Variants in MXD1 observed in about 807,000 individuals in gnomAD.
MXD1 encodes MAX dimerization protein 1, also known as MAX-binding protein.
A neutral mutation model predicts 25.7 loss-of-function variants in MXD1; 9 were observed. That is an observed-to-expected ratio of 0.35 (90% CI 0.21 to 0.61). MXD1 has a LOEUF of 0.61. Ranked by LOEUF, MXD1 falls within the 20% of genes least tolerant of loss-of-function variation. The pLI is 0.75. For missense variants in MXD1, 227 were observed against 292.4 expected (o/e 0.78, Z 1.63); for synonymous variants, 99 against 113.9 (o/e 0.87, Z 0.83).
At chr2:69,916,854 C>T (rs182066257) in intron 2 of MXD1, among the ~76,000 whole-genome samples, 45 of 152,196 alleles carry the variant, frequency 3.0e-4, no homozygotes, top group Middle Eastern at 6.8e-3. Context: ...TATCTTATAC[C>T]GTAGTTCTTA....
intron 3 of MXD1, among the ~76,000 whole-genome samples, chr2:69,926,316 C>A (rs1677169405): frequency 6.6e-6 from 1 of 151,668 alleles, no homozygotes; most frequent in Non-Finnish European, 1.5e-5. Flanking sequence ...CTTCCTGTGC[C>A]AATATATACC....
intron 3 of MXD1, among the ~76,000 whole-genome samples, chr2:69,933,205 AAAAAAAAAAAAAAAAAAAAC>A (rs1237922428): frequency 2.1e-5 from 1 of 46,714 alleles, no homozygotes; most frequent in African/African-American, 2.2e-4. Context: ...TGTCTCAAAA[AAAAAAAAAAAAAAAAAAAAC>A]AAAAAAAGAA....
chr2:69,932,997 G>A (rs569741672), intron 3 of MXD1, among the ~76,000 whole-genome samples: 7 of 151,914 alleles, frequency 4.6e-5, no homozygotes, highest in Non-Finnish European at 8.8e-5. Context: ...TCAGGAGTTC[G>A]AGACCAGCCT....
chr2:69,937,805 G>C (rs1677490550), intron 5 of MXD1, among the ~76,000 whole-genome samples: 1 of 152,138 alleles, frequency 6.6e-6, no homozygotes, highest in Admixed American at 6.5e-5. Flanking sequence ...GTAGAGATGA[G>C]GTTTCACCAT....
intron 4 of MXD1, among the ~76,000 whole-genome samples, chr2:69,935,813 T>G (rs910520770): frequency 1.3e-5 from 2 of 152,194 alleles, no homozygotes; most frequent in African/African-American, 2.4e-5. Flanking sequence ...TGCAATAAAA[T>G]CCTCAGAGGT....
intron 4 of MXD1, 78 bp from the exon 5 acceptor site, chr2:69,937,157 T>C: frequency 6.4e-7 from 1 of 1,573,554 alleles, no homozygotes; most frequent in Non-Finnish European, 8.7e-7. Flanking sequence ...ATTCCACTGC[T>C]AGAAGGGAAG....
chr2:69,923,711 G>C (rs1677116695), intron 3 of MXD1, among the ~76,000 whole-genome samples: 1 of 152,078 alleles, frequency 6.6e-6, no homozygotes, highest in South Asian at 2.1e-4. Context: ...CTTCCTTTAT[G>C]CTTTAGCTAT....
intron 3 of MXD1, among the ~76,000 whole-genome samples, chr2:69,930,751 TATC>T (rs1160210001): frequency 6.6e-6 from 1 of 152,242 alleles, no homozygotes; most frequent in African/African-American, 2.4e-5. Flanking sequence ...GTGCTCTTAT[TATC>T]TGTGTTTGCT....
intron 3 of MXD1, among the ~76,000 whole-genome samples, chr2:69,935,069 T>C (rs1338769473): frequency 6.6e-6 from 1 of 152,220 alleles, no homozygotes; most frequent in South Asian, 2.1e-4. Flanking sequence ...TTACTGTATA[T>C]AGTATTTACA....
In MXD1 at chr2:69,938,262, A is replaced by C; in HGVS notation, c.644A>C (p.His215Pro). ...AAGAGAATAAAGCTGCAGGACAGTC[A>C]CAAGGCGTGTCTTGGTCTCTAAGAG... ...SIKRIKLQDS[H>P]KACLGL is the part of the protein sequence containing the mutation. The change falls in exon 6 of 6, where the codon CAC (histidine) becomes CCC (proline). Residue 215 changes from histidine to proline, a missense_variant. Physicochemically the swap from His to Pro is moderately conservative, Grantham distance 77. Coordinates refer to ENST00000264444, the MANE Select transcript of MXD1 (RefSeq NM_002357.4). 6.2e-7 allele frequency: 1 copy of C among 1,614,198 alleles called. No individual in the cohort carries two copies. The highest frequency in any genetic ancestry group is 1.1e-5 in the South Asian group (1 of 91,082).
Position 69,938,598 on chromosome 2 carries a change from G to A in MXD1, c.*314G>A, listed in dbSNP as rs1037806022. On this transcript the variant is annotated 3_prime_UTR_variant, in exon 6 of 6. Transcript: ENST00000264444. Reference sequence around the variant, plus strand: ...AGCAATCCCCCTCTTTGCTCTCCTCGTGTCCTCTCCCAGACCTTTCTTCCA... The same window carrying A: ...AGCAATCCCCCTCTTTGCTCTCCTCATGTCCTCTCCCAGACCTTTCTTCCA... 14 of 250,616 alleles carry A rather than the reference G, an allele frequency of 5.6e-5. No homozygotes were observed. The highest frequency in any genetic ancestry group is 1.3e-3 in the Middle Eastern group (1 of 742). The allele number at this position is 250,616 out of a possible 1,614,324, so 15.5% of individuals were successfully genotyped here. A position where few individuals can be genotyped will look rare whatever the true frequency, so the allele number is the denominator to read the frequency against.
chr2:69,933,217 A>AAAAAAAAC (rs1558571820), intron 3 of MXD1, among the ~76,000 whole-genome samples: 4 of 151,230 alleles, frequency 2.6e-5, no homozygotes, highest in African/African-American at 7.3e-5. Context: ...AAAAAAAAAA[A>AAAAAAAAC]AAAAAAACAA....
rs930889116 is a variant in MXD1 at position 69,915,613 on chromosome 2, C to T, written c.73+210C>T. 6.6e-6 allele frequency among the ~76,000 whole-genome samples: 1 copy of T among 152,212 alleles called. No homozygotes were observed. The highest frequency in any genetic ancestry group is 2.4e-5 in the African/African-American group (1 of 41,450). On this transcript the variant is annotated intron_variant, in intron 1 of 5. Transcript: ENST00000264444. This position sits in a 1 kb window ranked among gnomAD's most constrained non-coding sequence, Gnocchi z 5.8. The stretch of plus-strand genomic sequence containing the variant: ...ATGGGGTGGAGAAGGGGCTGCCGCC[C>T]GCCGGGGTCCCGAACGCCGCCCCTT...
chr2:69,937,454 T>C, intron 5 of MXD1, 60 bp downstream of exon 5: 4 of 962,590 alleles, frequency 4.2e-6, no homozygotes, highest in Non-Finnish European at 5.8e-6. Flanking sequence ...AGAGCAGGGG[T>C]TCAGTACTGC....
chr2:69,942,587 T>C lies in MXD1; in HGVS notation c.*4303T>C, dbSNP rs1677635705. 6.6e-6 allele frequency: 1 copy of C among 152,182 alleles called. No individual in the cohort carries two copies. The highest frequency in any genetic ancestry group is 1.5e-5 in the Non-Finnish European group (1 of 68,034). The allele number at this position is 152,182 out of a possible 1,614,324, so 9.4% of individuals were successfully genotyped here. A position where few individuals can be genotyped will look rare whatever the true frequency, so the allele number is the denominator to read the frequency against. ...TGTGGGGTGGCAAGTTGAGGGAGCATTCTTCATTTTAGCTTTTACCTGACA... is the reference window on the plus strand; with the variant it reads ...TGTGGGGTGGCAAGTTGAGGGAGCACTCTTCATTTTAGCTTTTACCTGACA... On this transcript the variant is annotated 3_prime_UTR_variant, in exon 6 of 6. Coordinates refer to ENST00000264444, the MANE Select transcript of MXD1 (RefSeq NM_002357.4).
chr2:69,915,377 C>T lies in MXD1; in HGVS notation c.47C>T (p.Ala16Val). 1 of 1,284,452 alleles carries T rather than the reference C, an allele frequency of 7.8e-7. No homozygotes were observed. Among genetic ancestry groups the T allele is most frequent in the Non-Finnish European group, 9.9e-7 (1 of 1,006,416 alleles). 79.6% of individuals were successfully genotyped at this position (1,284,452 alleles called of 1,614,324 possible). The change falls in exon 1 of 6, where the codon GCC (alanine) becomes GTC (valine). Residue 16 changes from alanine to valine, a missense_variant. Coordinates refer to ENST00000264444, the MANE Select transcript of MXD1 (RefSeq NM_002357.4). This position sits in a 1 kb window ranked among gnomAD's most constrained non-coding sequence, Gnocchi z 5.8. ...RMNIQMLLEAADYLERREREA... is the reference protein window; with the variant it reads ...RMNIQMLLEAVDYLERREREA... ...AACATCCAGATGCTGCTGGAGGCGG[C>T]CGACTATCTGGAGCGGCGGGAGAGA...
intron 2 of MXD1, among the ~76,000 whole-genome samples, chr2:69,918,651 C>T (rs895128218): frequency 2.0e-5 from 3 of 152,150 alleles, no homozygotes; most frequent in Non-Finnish European, 2.9e-5. Context: ...AGTGACCTGA[C>T]ATGAGGAGTG....
chr2:69,933,428 G>A (rs1349303287), intron 3 of MXD1, among the ~76,000 whole-genome samples: 6 of 152,124 alleles, frequency 3.9e-5, no homozygotes, highest in Admixed American at 3.9e-4. Context: ...AGTAGTGGGA[G>A]GAGCACACCT....
chr2:69,921,707 T>C, intron 2 of MXD1, 29 bp from the exon 3 acceptor site: 1 of 1,598,068 alleles, frequency 6.3e-7, no homozygotes, highest in Non-Finnish European at 8.5e-7. Flanking sequence ...AAAAATATCT[T>C]ATTCTTCTCT....
Sources: allele counts gnomAD v4.1 joint callset (sites outside exome capture counted in the v4.1 genomes callset), GRCh38; gene constraint gnomAD v4.1.1; non-coding constraint Gnocchi (gnomAD v3.1); transcripts MANE v1.5; gene names NCBI Gene and HGNC (gene_info 2026-07-23, HGNC 2026-07-21).